Variants in GPR149 observed in about 807,000 individuals in gnomAD.
GPR149 encodes the protein probable G protein-coupled receptor 149.
Under a neutral mutation model 50.2 loss-of-function variants are expected in GPR149, and 50 were observed. The observed-to-expected ratio is 1.00, with a 90% CI of 0.79 to 1.26. The LOEUF (loss-of-function observed/expected upper bound fraction) is 1.26. Among genes scored for constraint, GPR149 ranks in the 50% most tolerant of loss-of-function variants. The probability of loss-of-function intolerance (pLI) is 0.00; values close to 1 mark genes in which losing one functional copy is unlikely to be tolerated. For synonymous variants in GPR149, 405 were observed against 358.2 expected (o/e 1.13, Z -1.48); for missense variants, 983 against 895.4 (o/e 1.10, Z -1.25).
In GPR149 at chr3:154,371,324, C is replaced by T. The variant is rs116100678; in HGVS notation, c.1624-33053G>A. ...ACAGCCTATTGATGCCTAAATGGCA[C>T]TCTGAAAGAACAATGCTTTCTCTCC... is the stretch of plus-strand genomic sequence containing the variant. On this transcript the variant is annotated intron_variant, in intron 3 of 3. Transcript: ENST00000389740. Among the ~76,000 whole-genome samples the T allele has an allele frequency of 3.4e-3, 513 of 152,250 alleles. 3 individuals are homozygous for T. Among genetic ancestry groups the T allele is most frequent in the Non-Finnish European group, 4.1e-3 (281 of 68,026 alleles).
chr3:154,377,421 C>T (rs1714818921), intron 3 of GPR149, among the ~76,000 whole-genome samples: 1 of 150,564 alleles, frequency 6.6e-6, no homozygotes, highest in Non-Finnish European at 1.5e-5. Context: ...GGCTGGAGTG[C>T]AGTGGTGTGA....
At chr3:154,356,725 A>G (rs1714236948) in intron 3 of GPR149, among the ~76,000 whole-genome samples, 1 of 152,188 alleles carries the variant, frequency 6.6e-6, no homozygotes, top group Non-Finnish European at 1.5e-5. Context: ...ATGGGTAGGA[A>G]GAATCAATAT....
At chr3:154,405,585 C>CAAA (rs33943436) in intron 3 of GPR149, among the ~76,000 whole-genome samples, 2,996 of 83,232 alleles carry the variant, frequency 0.036, 240 homozygotes, top group African/African-American at 0.13. Context: ...AAGACTCCAT[C>CAAA]AAAAAAAAAA....
rs1346068223 is a variant in GPR149, at chr3:154,352,645, G to T, written c.1624-14374C>A. On this transcript the variant is annotated intron_variant, in intron 3 of 3. Transcript: ENST00000389740. ...TGATGCACCAGAAATGTGGGCTAAA[G>T]TTGCAGCCAATGCATCCACTGCCCC... The T allele has an allele frequency of 6.4e-6, 5 of 778,508 alleles. No individual in the cohort carries two copies. In the African/African-American group the frequency reaches 8.5e-5, roughly 13 times the overall value. The allele number at this position is 778,508 out of a possible 1,614,324, so 48.2% of individuals were successfully genotyped here.
chr3:154,377,475 T>G (rs1412210559), intron 3 of GPR149, among the ~76,000 whole-genome samples: 5 of 151,804 alleles, frequency 3.3e-5, no homozygotes, highest in Non-Finnish European at 7.4e-5. Context: ...CAAATGATTC[T>G]CCTGCCTCAG....
intron 3 of GPR149, among the ~76,000 whole-genome samples, chr3:154,367,698 T>TA (rs2108398906): frequency 6.6e-6 from 1 of 152,266 alleles, no homozygotes; most frequent in African/African-American, 2.4e-5. Flanking sequence ...CAATAAAACT[T>TA]ACAGCTTTTT....
At chr3:154,406,512 G>T (rs1711688119) in intron 3 of GPR149, among the ~76,000 whole-genome samples, 1 of 152,164 alleles carries the variant, frequency 6.6e-6, no homozygotes, top group Non-Finnish European at 1.5e-5. Context: ...TTGGAAACAA[G>T]CTACAGAGTA....
chr3:154,408,534 G>A (rs2108422168), intron 3 of GPR149, among the ~76,000 whole-genome samples: 1 of 152,286 alleles, frequency 6.6e-6, no homozygotes, highest in South Asian at 2.1e-4. Context: ...ATTTGGGAGA[G>A]GGGTGAGGCC....
intron 3 of GPR149, among the ~76,000 whole-genome samples, chr3:154,367,987 G>C (rs1241482483): frequency 1.3e-5 from 2 of 152,172 alleles, no homozygotes; most frequent in East Asian, 3.9e-4. Flanking sequence ...CGGGTGTCAG[G>C]CTGTCTGGAA....
intron 3 of GPR149, among the ~76,000 whole-genome samples, chr3:154,378,113 C>T (rs1714836466): frequency 7.1e-6 from 1 of 141,122 alleles, no homozygotes; most frequent in Non-Finnish European, 1.5e-5. Flanking sequence ...AGATGGAGTC[C>T]CCTCTGCCAT....
chr3:154,416,179 C>T (rs1711981791), intron 3 of GPR149, among the ~76,000 whole-genome samples: 1 of 151,818 alleles, frequency 6.6e-6, no homozygotes, highest in African/African-American at 2.4e-5. Flanking sequence ...TTCTTCCAGC[C>T]TTATACTTTA....
chr3:154,353,418 T>A, intron 3 of GPR149: 3 of 1,066,756 alleles, frequency 2.8e-6, no homozygotes, highest in Non-Finnish European at 4.4e-6. Flanking sequence ...GTGAATCACA[T>A]CTTCAACTTG....
intron 3 of GPR149, among the ~76,000 whole-genome samples, chr3:154,366,155 A>C (rs1304796654): frequency 6.6e-6 from 1 of 152,102 alleles, no homozygotes; most frequent in Non-Finnish European, 1.5e-5. Flanking sequence ...AACCTGAAAA[A>C]CTGAATTCTC....
Position 154,337,904 on chromosome 3 carries a change from C to T in GPR149, c.1991G>A (p.Cys664Tyr). 1 of 1,612,908 alleles carries T rather than the reference C, an allele frequency of 6.2e-7. No homozygotes were observed. The highest frequency in any genetic ancestry group is 8.5e-7 in the Non-Finnish European group (1 of 1,179,398). The change falls in exon 4 of 4, where the codon TGT (cysteine) becomes TAT (tyrosine). Residue 664 changes from cysteine to tyrosine, a missense_variant. Physicochemically the swap from Cys to Tyr is radical, Grantham distance 194. Coordinates refer to ENST00000389740, the MANE Select transcript of GPR149 (RefSeq NM_001038705.3). ...YSRKENRFVS[C>Y]DLGETASYSL... ...GTATGAGGCTGTTTCCCCTAGGTCA[C>T]ATGAAACAAATCTGTTTTCTTTCCT...
chr3:154,360,571 G>A (rs1714355614), intron 3 of GPR149, among the ~76,000 whole-genome samples: 1 of 152,138 alleles, frequency 6.6e-6, no homozygotes, highest in African/African-American at 2.4e-5. Flanking sequence ...TGGTAGAACT[G>A]GAATTCCAAT....
At chr3:154,340,860 T>C (rs910549520) in intron 3 of GPR149, among the ~76,000 whole-genome samples, 2 of 152,160 alleles carry the variant, frequency 1.3e-5, no homozygotes, top group East Asian at 3.9e-4. Flanking sequence ...TAGCTGAGAC[T>C]ACAGGTGCGT....
chr3:154,351,313 C>CAAAAAAAAA (rs71155003), intron 3 of GPR149, among the ~76,000 whole-genome samples: 19 of 75,530 alleles, frequency 2.5e-4, no homozygotes, highest in Non-Finnish European at 3.3e-4. Context: ...CATCCACATA[C>CAAAAAAAAA]AAAAAAAAAA....
rs756220483 is a variant in GPR149 at position 154,340,096 on chromosome 3, C to T, written c.1624-1825G>A. Reference sequence around the variant, plus strand: ...CATGAGCCACCGTGCCCGGCCCACGCTCTACTTCTTGAATTGAGAGACTAG... The same window carrying T: ...CATGAGCCACCGTGCCCGGCCCACGTTCTACTTCTTGAATTGAGAGACTAG... On this transcript the variant is annotated intron_variant, in intron 3 of 3. Transcript: ENST00000389740. Among the ~76,000 whole-genome samples, 7 of 151,936 alleles carry T rather than the reference C, an allele frequency of 4.6e-5. No homozygotes were observed. The South Asian group carries it at 1.0e-3, about 23-fold the overall frequency.
At chr3:154,352,976 G>T in intron 3 of GPR149, 2 of 1,066,034 alleles carry the variant, frequency 1.9e-6, no homozygotes, top group Non-Finnish European at 2.9e-6. Context: ...CTTCAGGAAT[G>T]TGCAAACTAT....
Sources: allele counts gnomAD v4.1 joint callset (sites outside exome capture counted in the v4.1 genomes callset), GRCh38; gene constraint gnomAD v4.1.1; transcripts MANE v1.5; gene names NCBI Gene and HGNC (gene_info 2026-07-23, HGNC 2026-07-21).